FGD5: variants seen among roughly 807,000 people sequenced by gnomAD.
The protein encoded by FGD5 is FYVE, RhoGEF and PH domain containing 5.
Under a neutral mutation model 133.4 loss-of-function variants are expected in FGD5, and 28 were observed. The observed-to-expected ratio is 0.21, with a 90% confidence interval of 0.16 to 0.29. The LOEUF (loss-of-function observed/expected upper bound fraction) is 0.29. Among genes scored for constraint, FGD5 ranks in the 10% least tolerant of loss-of-function variants. The pLI, the probability that FGD5 is intolerant of heterozygous loss-of-function variation, is 1.00. For synonymous variants in FGD5, 810 were observed against 776.5 expected (o/e 1.04, Z -0.72); for missense variants, 1,858 against 1,895.2 (o/e 0.98, Z 0.36).
chr3:14,850,404 C>G (rs1017670685), intron 1 of FGD5, among the ~76,000 whole-genome samples: 1 of 152,216 alleles, frequency 6.6e-6, no homozygotes, highest in African/African-American at 2.4e-5. Flanking sequence ...GAAGGAAGCT[C>G]GTTTGTCTCC....
At chr3:14,843,394 A>G (rs2036962487) in intron 1 of FGD5, among the ~76,000 whole-genome samples, 3 of 152,120 alleles carry the variant, frequency 2.0e-5, no homozygotes, top group East Asian at 1.9e-4. Context: ...CCTTGCTGCC[A>G]TGGTCTTTTC....
intron 1 of FGD5, among the ~76,000 whole-genome samples, chr3:14,858,077 A>C (rs1483219796): frequency 6.6e-6 from 1 of 152,116 alleles, no homozygotes; most frequent in Non-Finnish European, 1.5e-5. Context: ...GTACAGTGCA[A>C]AGTGCTGGTG....
chr3:14,837,681 C>T (rs976780645), intron 1 of FGD5, among the ~76,000 whole-genome samples: 3 of 152,160 alleles, frequency 2.0e-5, no homozygotes, highest in Non-Finnish European at 2.9e-5. Flanking sequence ...TGATTATGCT[C>T]ATCCACAAAA....
At position 14,917,176 on chromosome 3, in the gene FGD5, G is replaced by A. The variant is rs1195022936; in HGVS notation, c.3406-73G>A. On this transcript the variant is annotated intron_variant, in intron 11 of 19. Transcript: ENST00000285046. This position sits in a 1 kb window ranked among gnomAD's most constrained non-coding sequence, Gnocchi z 4.1. ...ATGCCTGTGCACAGCGGAGCTCAGG[G>A]ATCCTTTGAGGACAGAAGCCTGGCG... The A allele has an allele frequency of 1.5e-5, 21 of 1,379,336 alleles. No individual in the cohort carries two copies. Among genetic ancestry groups the A allele is most frequent in the Non-Finnish European group, 2.1e-5 (21 of 991,780 alleles). 85.4% of individuals were successfully genotyped at this position (1,379,336 alleles called of 1,614,324 possible).
intron 1 of FGD5, among the ~76,000 whole-genome samples, chr3:14,854,154 G>A (rs988915720): frequency 1.3e-5 from 2 of 151,728 alleles, no homozygotes; most frequent in African/African-American, 2.4e-5. Context: ...CTTGCCTGAG[G>A]TCACACAGTG....
Position 14,917,448 on chromosome 3 carries a change from G to A in FGD5, c.3489+116G>A, listed in dbSNP as rs142938216. On this transcript the variant is annotated intron_variant, in intron 12 of 19. Coordinates refer to ENST00000285046, the MANE Select transcript of FGD5 (RefSeq NM_152536.4). This position sits in a 1 kb window ranked among gnomAD's most constrained non-coding sequence, Gnocchi z 4.1. ...ACCAGCTGGAAGAGGGAGGCCCTGC[G>A]GAAACAGTGTTGGGCTACAGCAAGT... The A allele has an allele frequency of 3.3e-5, 30 of 920,530 alleles. No individual in the cohort carries two copies. In the East Asian group the frequency reaches 4.0e-4, roughly 12 times the overall value. 57.0% of individuals were successfully genotyped at this position (920,530 alleles called of 1,614,324 possible). A position where few individuals can be genotyped will look rare whatever the true frequency, so the allele number is the denominator to read the frequency against.
chr3:14,922,903 G>T lies in FGD5; in HGVS notation c.3808-143G>T. ...AGATGAAGCCTTGCCGGAAAAGTAG[G>T]GGACACGCACAGCTCCATGATCAGA... On this transcript the variant is annotated intron_variant, in intron 15 of 19. Coordinates refer to ENST00000285046, the MANE Select transcript of FGD5 (RefSeq NM_152536.4). This position sits in a 1 kb window ranked among gnomAD's most constrained non-coding sequence, Gnocchi z 4.1. 1 of 1,177,614 alleles carries T rather than the reference G, an allele frequency of 8.5e-7. No homozygotes were observed. The allele number at this position is 1,177,614 out of a possible 1,614,324, so 72.9% of individuals were successfully genotyped here.
intron 4 of FGD5, among the ~76,000 whole-genome samples, chr3:14,885,189 C>T (rs920516119): frequency 1.3e-5 from 2 of 151,034 alleles, no homozygotes; most frequent in African/African-American, 2.4e-5. Flanking sequence ...ACATAGTAGA[C>T]AAAAGAGTAT....
intron 18 of FGD5, among the ~76,000 whole-genome samples, chr3:14,929,052 G>T (rs1283588802): frequency 1.3e-5 from 2 of 152,136 alleles, no homozygotes; most frequent in East Asian, 3.8e-4. Context: ...GCAACACCCT[G>T]TTCCAATTCT....
chr3:14,870,144 C>T (rs78370508), intron 2 of FGD5, among the ~76,000 whole-genome samples: 1 of 13,548 alleles, frequency 7.4e-5, no homozygotes, highest in Non-Finnish European at 1.5e-4. Flanking sequence ...TGAGGGAGCC[C>T]GAATGGCATG....
chr3:14,859,863 C>A (rs1303724875), intron 1 of FGD5, among the ~76,000 whole-genome samples: 2 of 150,248 alleles, frequency 1.3e-5, no homozygotes, highest in African/African-American at 4.9e-5. Context: ...CCATCTGGGT[C>A]CATTACAACT....
chr3:14,842,220 C>T (rs551156480), intron 1 of FGD5, among the ~76,000 whole-genome samples: 1 of 152,360 alleles, frequency 6.6e-6, no homozygotes, highest in Non-Finnish European at 1.5e-5. Flanking sequence ...CCCTTGCTCC[C>T]TCAACATGTG....
In FGD5 at chr3:14,820,417, C is replaced by T; in HGVS notation, c.1346C>T (p.Ala449Val). 6.2e-7 allele frequency: 1 copy of T among 1,613,982 alleles called. No individual in the cohort carries two copies. Among genetic ancestry groups the T allele is most frequent in the Non-Finnish European group, 8.5e-7 (1 of 1,179,894 alleles). Residue 449 changes from alanine to valine, a missense_variant, in exon 1 of 20, where the codon GCA (alanine) becomes GTA (valine). Ala to Val is a moderately conservative substitution (Grantham distance 64, BLOSUM62 0). Transcript: ENST00000285046. ...QAAPGEGGQAASDALGGYGSK... is the reference protein window; with the variant it reads ...QAAPGEGGQAVSDALGGYGSK... ...GCCCCTGGAGAAGGAGGGCAGGCTGCATCGGACGCCCTGGGTGGTTATGGC... is the reference window on the plus strand; with the variant it reads ...GCCCCTGGAGAAGGAGGGCAGGCTGTATCGGACGCCCTGGGTGGTTATGGC...
intron 1 of FGD5, among the ~76,000 whole-genome samples, chr3:14,812,829 C>T (rs1337266738): frequency 6.6e-6 from 1 of 152,218 alleles, no homozygotes; most frequent in African/African-American, 2.4e-5. Context: ...CTAGAAAGAA[C>T]AGTGTCTGTA....
At chr3:14,839,437 C>T (rs2036875904) in intron 1 of FGD5, among the ~76,000 whole-genome samples, 1 of 152,106 alleles carries the variant, frequency 6.6e-6, no homozygotes, top group Non-Finnish European at 1.5e-5. Flanking sequence ...TCAGACCTTC[C>T]CCTCCCCCTT....
chr3:14,902,388 C>T (rs1255243300), intron 9 of FGD5, among the ~76,000 whole-genome samples: 1 of 151,736 alleles, frequency 6.6e-6, no homozygotes, highest in Admixed American at 6.6e-5. Flanking sequence ...GAGGGGCTGG[C>T]CTGGGCAAAG....
At chr3:14,846,976 T>C (rs759983108) in intron 1 of FGD5, among the ~76,000 whole-genome samples, 1 of 152,180 alleles carries the variant, frequency 6.6e-6, no homozygotes, top group Non-Finnish European at 1.5e-5. Context: ...CTGAACTTAG[T>C]GGTCCCCCTC....
intron 2 of FGD5, among the ~76,000 whole-genome samples, chr3:14,877,586 C>T (rs1180814606): frequency 6.6e-6 from 1 of 152,216 alleles, no homozygotes; most frequent in East Asian, 1.9e-4. Flanking sequence ...GGTCACACAG[C>T]CACCCATGGC....
intron 1 of FGD5, among the ~76,000 whole-genome samples, chr3:14,826,259 T>C (rs1285224420): frequency 6.6e-6 from 1 of 152,092 alleles, no homozygotes; most frequent in Non-Finnish European, 1.5e-5. Context: ...CGCTCTCTCT[T>C]TCTTCCTCTC....
Sources: gnomAD v4.1 joint callset for allele counts (sites outside exome capture counted in the v4.1 genomes callset) on GRCh38, gnomAD v4.1.1 for gene constraint, Gnocchi (gnomAD v3.1) non-coding constraint, MANE v1.5 for transcripts, NCBI Gene and HGNC (gene_info 2026-07-23, HGNC 2026-07-21) for gene names.